Variants in AGBL1 observed in about 807,000 individuals in gnomAD.
AGBL1 encodes cytosolic carboxypeptidase 4.
AGBL1 carries 130 observed loss-of-function variants against 118.9 expected under a neutral mutation model. The ratio of observed to expected loss-of-function variants is 1.09; its 90% CI spans 0.95 to 1.26. The LOEUF (loss-of-function observed/expected upper bound fraction) is 1.26, where lower values mean the gene tolerates loss of function less well. Among genes scored for constraint, AGBL1 ranks in the 50% most tolerant of loss-of-function variants. AGBL1 has a pLI of 0.00. For missense variants in AGBL1, 1,584 were observed against 1,298.1 expected, an observed-to-expected ratio of 1.22 and a Z score of -3.38; for synonymous variants, 555 against 478.9, an observed-to-expected ratio of 1.16 and a Z score of -2.08.
At chr15:86,747,259 A>C (rs1365046563) in intron 22 of AGBL1, among the ~76,000 whole-genome samples, 2 of 152,118 alleles carry the variant, frequency 1.3e-5, no homozygotes, top group Non-Finnish European at 2.9e-5. Context: ...GAGTTTGTAA[A>C]AATATTTGAA....
chr15:86,288,644 T>C (rs2079494206), intron 16 of AGBL1, among the ~76,000 whole-genome samples: 1 of 152,156 alleles, frequency 6.6e-6, no homozygotes, highest in Non-Finnish European at 1.5e-5. Context: ...GTATGATCAA[T>C]TATTGCTACA....
At chr15:86,847,105 T>A (rs1189316594) in intron 22 of AGBL1, among the ~76,000 whole-genome samples, 4 of 152,204 alleles carry the variant, frequency 2.6e-5, no homozygotes, top group Admixed American at 1.3e-4. Flanking sequence ...CACTCCAGAA[T>A]TTTTATGTGG....
At chr15:87,013,425 C>G (rs932772038) in intron 24 of AGBL1, among the ~76,000 whole-genome samples, 5 of 152,102 alleles carry the variant, frequency 3.3e-5, no homozygotes, top group African/African-American at 1.2e-4. Context: ...GCAACTAAAG[C>G]TGAAATTGCT....
chr15:86,942,256 C>G (rs919090184), intron 23 of AGBL1, among the ~76,000 whole-genome samples: 2 of 152,134 alleles, frequency 1.3e-5, no homozygotes, highest in Non-Finnish European at 2.9e-5. Flanking sequence ...CAGTCACCAC[C>G]CATAGCAATT....
chr15:86,141,989 G>A lies in AGBL1; in HGVS notation c.52-15G>A. ...CTTGCATTCTTAAATATGGCTGCCT[G>A]TGTTCTCATTGCAGAGCTCCTCTGA... On this transcript the variant is annotated splice_polypyrimidine_tract_variant and intron_variant, in intron 1 of 22. Coordinates refer to ENST00000614907, the MANE Select transcript of AGBL1 (RefSeq NM_001386094.1). 6.5e-7 allele frequency: 1 copy of A among 1,549,286 alleles called. No homozygotes were observed. The highest frequency in any genetic ancestry group is 1.2e-5 in the South Asian group (1 of 83,672).
At chr15:86,663,264 A>G (rs1305769189) in intron 21 of AGBL1, among the ~76,000 whole-genome samples, 6 of 152,186 alleles carry the variant, frequency 3.9e-5, no homozygotes, top group Non-Finnish European at 8.8e-5. Context: ...ACTCAGCTCC[A>G]TTGCTGTGGC....
At chr15:86,667,222 G>C (rs1416215248) in intron 21 of AGBL1, among the ~76,000 whole-genome samples, 1 of 84,076 alleles carries the variant, frequency 1.2e-5, no homozygotes, top group South Asian at 3.0e-4. Flanking sequence ...ATCTATGTAT[G>C]TATGTATGTA....
chr15:86,641,413 T>A (rs72762053), intron 21 of AGBL1, among the ~76,000 whole-genome samples: 37,216 of 149,500 alleles, frequency 0.25, 5,227 homozygotes, highest in East Asian at 0.42. Flanking sequence ...CAATTTTTTT[T>A]AAAAAAAAAA....
chr15:86,924,755 G>A (rs552689026), intron 23 of AGBL1, among the ~76,000 whole-genome samples: 1 of 152,050 alleles, frequency 6.6e-6, no homozygotes, highest in East Asian at 1.9e-4. Context: ...TTGCTACTCT[G>A]TGTCTCTCAA....
chr15:86,087,612 G>T (rs1329732781), intron 1 of AGBL1, among the ~76,000 whole-genome samples: 1 of 152,150 alleles, frequency 6.6e-6, no homozygotes, highest in Admixed American at 6.5e-5. Context: ...TTACAGGCGT[G>T]AGCCACTGCA....
chr15:86,385,041 G>A (rs192498427), intron 17 of AGBL1, among the ~76,000 whole-genome samples: 7 of 151,996 alleles, frequency 4.6e-5, no homozygotes, highest in African/African-American at 7.3e-5. Context: ...CTTTCAATCC[G>A]GCAGCCACGA....
chr15:86,827,412 T>C (rs1420305990), intron 22 of AGBL1, among the ~76,000 whole-genome samples: 2 of 6,442 alleles, frequency 3.1e-4, no homozygotes, highest in African/African-American at 2.3e-3. Flanking sequence ...TATATATGTG[T>C]ATATATATAT....
At chr15:86,458,319 C>A (rs954782334) in intron 18 of AGBL1, among the ~76,000 whole-genome samples, 3 of 151,886 alleles carry the variant, frequency 2.0e-5, no homozygotes, top group Non-Finnish European at 4.4e-5. Flanking sequence ...ATATATTATG[C>A]CATATGTAGT....
intron 20 of AGBL1, among the ~76,000 whole-genome samples, chr15:86,552,476 A>G (rs1026925249): frequency 3.3e-5 from 5 of 152,236 alleles, no homozygotes; most frequent in Non-Finnish European, 7.3e-5. Context: ...TGATCACTTT[A>G]GTTGCAGGAT....
intron 24 of AGBL1, among the ~76,000 whole-genome samples, chr15:87,005,290 A>C (rs180768421): frequency 6.6e-6 from 1 of 152,300 alleles, no homozygotes; most frequent in African/African-American, 2.4e-5. Context: ...AGTGTTTTCC[A>C]ACTTGGTTTC....
intron 15 of AGBL1, among the ~76,000 whole-genome samples, chr15:86,273,023 A>G (rs2079186365): frequency 6.6e-6 from 1 of 152,218 alleles, no homozygotes; most frequent in African/African-American, 2.4e-5. Flanking sequence ...GTCAAGAATG[A>G]CTTTTAGTTT....
chr15:86,474,993 A>G (rs2082536434), intron 18 of AGBL1, among the ~76,000 whole-genome samples: 1 of 152,240 alleles, frequency 6.6e-6, no homozygotes, highest in South Asian at 2.1e-4. Context: ...GCAAACTCCA[A>G]CAGACCTGCA....
chr15:86,173,511 T>A (rs1240335839), intron 5 of AGBL1, among the ~76,000 whole-genome samples: 1 of 152,152 alleles, frequency 6.6e-6, no homozygotes, highest in Non-Finnish European at 1.5e-5. Flanking sequence ...CCATAAAATC[T>A]TTAACCAGAC....
At chr15:86,668,669 C>T (rs1402832277) in intron 21 of AGBL1, among the ~76,000 whole-genome samples, 2 of 152,082 alleles carry the variant, frequency 1.3e-5, no homozygotes, top group African/African-American at 4.8e-5. Context: ...GACTTTGGGG[C>T]AGATACTAAA....
Sources: allele counts gnomAD v4.1 joint callset (sites outside exome capture counted in the v4.1 genomes callset), GRCh38; gene constraint gnomAD v4.1.1; transcripts MANE v1.5; gene names NCBI Gene and HGNC (gene_info 2026-07-23, HGNC 2026-07-21).